Variants in CCBE1 observed in about 807,000 individuals in gnomAD.
CCBE1 encodes the protein collagen and calcium binding EGF domains 1, also known as collagen and calcium-binding EGF domain-containing protein 1.
CCBE1 carries 37 observed loss-of-function variants against 50.0 expected under a neutral mutation model. That is an observed-to-expected ratio of 0.74 (90% CI 0.57 to 0.97). CCBE1 has a LOEUF of 0.97. CCBE1 is among the 50% of genes least tolerant of loss of function. CCBE1 has a pLI of 0.00. For missense variants in CCBE1, 538 were observed against 523.8 expected (o/e 1.03, Z -0.26); for synonymous variants, 234 against 203.7 (o/e 1.15, Z -1.27).
chr18:59,500,961 C>T (rs1284882747), intron 2 of CCBE1, among the ~76,000 whole-genome samples: 1 of 152,228 alleles, frequency 6.6e-6, no homozygotes, highest in Admixed American at 6.5e-5. Flanking sequence ...CCCACAACCA[C>T]CCACACATTG....
intron 2 of CCBE1, among the ~76,000 whole-genome samples, chr18:59,513,358 G>A (rs1182394886): frequency 6.6e-6 from 1 of 152,162 alleles, no homozygotes; most frequent in Non-Finnish European, 1.5e-5. Flanking sequence ...GCAGGTGTTG[G>A]GAAGAATTAG....
intron 2 of CCBE1, among the ~76,000 whole-genome samples, chr18:59,674,835 G>A (rs2054478249): frequency 6.6e-6 from 1 of 152,054 alleles, no homozygotes; most frequent in Admixed American, 6.6e-5. Context: ...GGGGTTTAGG[G>A]TCTATAAAAT....
intron 2 of CCBE1, among the ~76,000 whole-genome samples, chr18:59,534,533 T>C (rs1915174935): frequency 1.3e-5 from 2 of 152,228 alleles, no homozygotes; most frequent in Admixed American, 1.3e-4. Context: ...TCCCCTACTT[T>C]TGGGTACATT....
chr18:59,502,082 T>C (rs1913649552), intron 2 of CCBE1, among the ~76,000 whole-genome samples: 1 of 152,226 alleles, frequency 6.6e-6, no homozygotes, highest in Non-Finnish European at 1.5e-5. Context: ...ATTACAGGCA[T>C]GAGCCAGCAC....
At chr18:59,504,122 C>A (rs964529135) in intron 2 of CCBE1, among the ~76,000 whole-genome samples, 8 of 152,204 alleles carry the variant, frequency 5.3e-5, no homozygotes, top group Non-Finnish European at 1.5e-5. Context: ...AAAAAATGAT[C>A]AAACATCATT....
At chr18:59,616,098 C>T (rs2053633435) in intron 2 of CCBE1, among the ~76,000 whole-genome samples, 1 of 152,144 alleles carries the variant, frequency 6.6e-6, no homozygotes, top group Non-Finnish European at 1.5e-5. Context: ...TGGGGCATCC[C>T]AACCTGAGGA....
intron 2 of CCBE1, among the ~76,000 whole-genome samples, chr18:59,676,431 GT>G (rs371639403): frequency 7.9e-5 from 12 of 152,160 alleles, no homozygotes; most frequent in African/African-American, 2.4e-4. Flanking sequence ...CTCCTGCCCT[GT>G]TTATCTTTTT....
In CCBE1 at chr18:59,683,398, T is replaced by C. The variant is rs562186759; in HGVS notation, c.212+13231A>G. ...GGCTGAACAGTGGGAATTTTTCTTT[T>C]TTTAAAAAGACAGTTGGCCAGGCGG... On this transcript the variant is annotated intron_variant, in intron 2 of 10. Transcript: ENST00000439986. Among the ~76,000 whole-genome samples, 4 of 152,336 alleles carry C rather than the reference T, an allele frequency of 2.6e-5. No homozygotes were observed. In the East Asian group the frequency reaches 5.8e-4, roughly 22 times the overall value.
At chr18:59,662,153 C>A (rs997445216) in intron 2 of CCBE1, among the ~76,000 whole-genome samples, 2 of 152,162 alleles carry the variant, frequency 1.3e-5, no homozygotes, top group African/African-American at 4.8e-5. Context: ...GAAATCACCA[C>A]CAATAACAAA....
At chr18:59,469,021 T>C (rs1389541804) in intron 4 of CCBE1, among the ~76,000 whole-genome samples, 2 of 152,186 alleles carry the variant, frequency 1.3e-5, no homozygotes, top group Non-Finnish European at 2.9e-5. Context: ...GTGCCGTGGA[T>C]GGTGCAGGCT....
At chr18:59,481,960 A>G (rs1183743520) in intron 2 of CCBE1, among the ~76,000 whole-genome samples, 1 of 152,168 alleles carries the variant, frequency 6.6e-6, no homozygotes, top group Non-Finnish European at 1.5e-5. Context: ...GGTATACGCC[A>G]TGGTGGTTTG....
At chr18:59,559,439 T>G (rs530695144) in intron 2 of CCBE1, among the ~76,000 whole-genome samples, 40 of 152,298 alleles carry the variant, frequency 2.6e-4, no homozygotes, top group African/African-American at 8.9e-4. Context: ...GTGGTGCCCG[T>G]GCCCCGCCAA....
intron 2 of CCBE1, among the ~76,000 whole-genome samples, chr18:59,617,905 A>G (rs894555551): frequency 3.9e-5 from 6 of 152,200 alleles, no homozygotes; most frequent in African/African-American, 1.2e-4. Context: ...CCAGTATGTG[A>G]CTTTCATATC....
chr18:59,654,805 A>AC (rs1263899131), intron 2 of CCBE1, among the ~76,000 whole-genome samples: 1 of 151,394 alleles, frequency 6.6e-6, no homozygotes, highest in African/African-American at 2.4e-5. Flanking sequence ...AAAAAAAAAA[A>AC]AAAGGCCAGG....
At chr18:59,529,623 T>G (rs1234244553) in intron 2 of CCBE1, among the ~76,000 whole-genome samples, 1 of 152,214 alleles carries the variant, frequency 6.6e-6, no homozygotes, top group African/African-American at 2.4e-5. Context: ...TTGCCCTGTG[T>G]GGCTCCTGAG....
intron 2 of CCBE1, among the ~76,000 whole-genome samples, chr18:59,510,467 A>C (rs927237743): frequency 2.6e-5 from 4 of 151,964 alleles, no homozygotes; most frequent in African/African-American, 9.7e-5. Flanking sequence ...TGTCACCCAG[A>C]CTGGAGGGCA....
intron 2 of CCBE1, among the ~76,000 whole-genome samples, chr18:59,499,794 C>T (rs948159960): frequency 1.8e-4 from 27 of 152,158 alleles, no homozygotes; most frequent in Admixed American, 1.7e-3. Flanking sequence ...CCTCAGATAC[C>T]ACTTTGACAG....
At chr18:59,561,926 TATC>T (rs1353354413) in intron 2 of CCBE1, among the ~76,000 whole-genome samples, 4 of 152,140 alleles carry the variant, frequency 2.6e-5, no homozygotes, top group Non-Finnish European at 5.9e-5. Context: ...TGCTGGATAA[TATC>T]ATGTTTTACC....
At chr18:59,678,162 G>C (rs1315215779) in intron 2 of CCBE1, among the ~76,000 whole-genome samples, 2 of 152,180 alleles carry the variant, frequency 1.3e-5, no homozygotes, top group African/African-American at 2.4e-5. Context: ...TCCTACCATA[G>C]AAGGAGGGGG....
Sources: gnomAD v4.1 joint callset for allele counts (sites outside exome capture counted in the v4.1 genomes callset) on GRCh38, gnomAD v4.1.1 for gene constraint, MANE v1.5 for transcripts, NCBI Gene and HGNC (gene_info 2026-07-23, HGNC 2026-07-21) for gene names.